Variants in THEMIS observed in about 807,000 individuals in gnomAD.
THEMIS encodes the protein protein THEMIS.
Under a neutral mutation model 52.6 loss-of-function variants are expected in THEMIS, and 37 were observed. The observed-to-expected ratio is 0.70, with a 90% confidence interval of 0.54 to 0.93. THEMIS has a LOEUF of 0.93. THEMIS is among the 40% of genes least tolerant of loss of function. THEMIS has a pLI of 0.00. For synonymous variants in THEMIS, 292 were observed against 272.7 expected (o/e 1.07, Z -0.70); for missense variants, 808 against 763.1 (o/e 1.06, Z -0.69).
At chr6:127,799,362 A>T (rs991497701) in intron 4 of THEMIS, among the ~76,000 whole-genome samples, 2 of 152,296 alleles carry the variant, frequency 1.3e-5, no homozygotes, top group African/African-American at 4.8e-5. Context: ...TATTCAAGAG[A>T]TGTCAAAGAA....
At chr6:127,786,977 G>A (rs1389828698) in intron 4 of THEMIS, among the ~76,000 whole-genome samples, 1 of 151,986 alleles carries the variant, frequency 6.6e-6, no homozygotes. Context: ...TGGGTTTGGA[G>A]CTCCTAAAAA....
rs957395652 is a variant in THEMIS at position 127,708,805 on chromosome 6, T to G, written c.*1180A>C. 6.6e-6 allele frequency: 1 copy of G among 152,064 alleles called. No homozygotes were observed. Among genetic ancestry groups the G allele is most frequent in the Non-Finnish European group, 1.5e-5 (1 of 67,968 alleles). 9.4% of individuals were successfully genotyped at this position (152,064 alleles called of 1,614,324 possible). A position where few individuals can be genotyped will look rare whatever the true frequency, so the allele number is the denominator to read the frequency against. ...ACATTGAAAAAACTCTAATTTTTTT[T>G]GTTCTAAAGTTGACTCACAATTTAT... On this transcript the variant is annotated 3_prime_UTR_variant, in exon 6 of 6. Coordinates refer to ENST00000368248, the MANE Select transcript of THEMIS (RefSeq NM_001010923.3).
chr6:127,905,401 C>T (rs939748506), upstream of THEMIS, among the ~76,000 whole-genome samples: 10 of 151,948 alleles, frequency 6.6e-5, no homozygotes, highest in East Asian at 3.9e-4. Flanking sequence ...AATCCAGAGA[C>T]GCATGAAAGC....
intron 2 of THEMIS, among the ~76,000 whole-genome samples, chr6:127,836,515 T>C (rs1016771436): frequency 6.6e-6 from 1 of 152,196 alleles, no homozygotes; most frequent in African/African-American, 2.4e-5. Flanking sequence ...AAAATCAGTT[T>C]ACATTAAATT....
chr6:127,830,091 C>T (rs964660058), intron 2 of THEMIS, among the ~76,000 whole-genome samples, 157 bp from the exon 3 acceptor site: 46 of 152,004 alleles, frequency 3.0e-4, no homozygotes, highest in Non-Finnish European at 1.2e-4. Context: ...CAGAGTTCTT[C>T]TAGGTAAAAT....
intron 5 of THEMIS, among the ~76,000 whole-genome samples, chr6:127,713,700 G>T (rs147431900): frequency 7.3e-4 from 111 of 151,984 alleles, no homozygotes; most frequent in African/African-American, 2.5e-3. Context: ...TCTGGGGAAA[G>T]ATTATGCCAT....
chr6:127,732,882 AG>A (rs531357769), intron 4 of THEMIS, among the ~76,000 whole-genome samples: 22 of 152,342 alleles, frequency 1.4e-4, no homozygotes, highest in African/African-American at 5.0e-4. Context: ...TAGACATGTC[AG>A]TGCTGGGTCA....
chr6:127,843,331 T>C (rs1315357481), intron 2 of THEMIS, among the ~76,000 whole-genome samples: 1 of 151,856 alleles, frequency 6.6e-6, no homozygotes, highest in Non-Finnish European at 1.5e-5. Flanking sequence ...TCTGGACCTA[T>C]ACATACTGTT....
the THEMIS span, among the ~76,000 whole-genome samples, chr6:127,697,373 A>T: frequency 6.6e-6 from 1 of 152,138 alleles, no homozygotes; most frequent in African/African-American, 2.4e-5. Context: ...TCTCTGAAGG[A>T]TTGTTGCATT....
chr6:127,718,970 C>G (rs1452834665), intron 5 of THEMIS, among the ~76,000 whole-genome samples: 1 of 151,610 alleles, frequency 6.6e-6, no homozygotes, highest in African/African-American at 2.4e-5. Flanking sequence ...GCTACAAAAC[C>G]AAATAAGGAG....
chr6:127,792,972 G>T (rs957412053), intron 4 of THEMIS, among the ~76,000 whole-genome samples: 6 of 152,138 alleles, frequency 3.9e-5, no homozygotes, highest in Admixed American at 2.0e-4. Context: ...CTTTCCATTT[G>T]CAAAAACAAG....
intron 2 of THEMIS, among the ~76,000 whole-genome samples, chr6:127,845,053 TAAA>T (rs397885879): frequency 7.0e-6 from 1 of 141,966 alleles, no homozygotes; most frequent in Non-Finnish European, 1.6e-5. Flanking sequence ...CAAATTTTAG[TAAA>T]AAAAAAAAAG....
intron 4 of THEMIS, among the ~76,000 whole-genome samples, chr6:127,758,000 ACACACC>A (rs1343912571): frequency 6.6e-6 from 1 of 151,356 alleles, no homozygotes; most frequent in African/African-American, 2.4e-5. Context: ...GTATATATAC[ACACACC>A]CACACACATA....
intron 2 of THEMIS, among the ~76,000 whole-genome samples, chr6:127,840,730 C>A (rs1262056959): frequency 6.6e-6 from 1 of 152,054 alleles, no homozygotes; most frequent in Non-Finnish European, 1.5e-5. Context: ...AATGGATAAA[C>A]TGTGGTACAT....
At chr6:127,914,496 T>A (rs751999007) in intron 1 of THEMIS, among the ~76,000 whole-genome samples, 3 of 152,180 alleles carry the variant, frequency 2.0e-5, no homozygotes, top group Non-Finnish European at 4.4e-5. Flanking sequence ...AGGTGTGTAC[T>A]TTTACTGCAC....
chr6:127,787,239 G>T (rs957046849), intron 4 of THEMIS, among the ~76,000 whole-genome samples: 1 of 151,738 alleles, frequency 6.6e-6, no homozygotes, highest in Admixed American at 6.6e-5. Context: ...GTTTATCTTT[G>T]TCTCTTTCCT....
intron 5 of THEMIS, among the ~76,000 whole-genome samples, chr6:127,712,726 T>C (rs1488452722): frequency 6.6e-6 from 1 of 151,908 alleles, no homozygotes; most frequent in Admixed American, 6.6e-5. Context: ...GCTTTTTGCT[T>C]TTCTTTCTCA....
At chr6:127,817,165 A>G (rs2114620023) in intron 3 of THEMIS, among the ~76,000 whole-genome samples, 1 of 152,210 alleles carries the variant, frequency 6.6e-6, no homozygotes. Context: ...CAGAGGTGGG[A>G]GGCTTTCATT....
chr6:127,775,682 C>T (rs942112519), intron 4 of THEMIS, among the ~76,000 whole-genome samples: 4 of 151,034 alleles, frequency 2.6e-5, no homozygotes, highest in African/African-American at 4.9e-5. Context: ...TGGCAAAAAA[C>T]GATCTTCTGT....
Sources: gnomAD v4.1 joint callset for allele counts (sites outside exome capture counted in the v4.1 genomes callset) on GRCh38, gnomAD v4.1.1 for gene constraint, MANE v1.5 for transcripts, NCBI Gene and HGNC (gene_info 2026-07-23, HGNC 2026-07-21) for gene names.